NFATC1: variants seen among roughly 807,000 people sequenced by gnomAD.
NFATC1 encodes nuclear factor of activated T cells 1.
Under a neutral mutation model 76.0 loss-of-function variants are expected in NFATC1, and 22 were observed. That is an observed-to-expected ratio of 0.29 (90% CI 0.21 to 0.41). The LOEUF (loss-of-function observed/expected upper bound fraction) is 0.41, where lower values mean the gene tolerates loss of function less well. NFATC1 is among the 10% of genes least tolerant of loss of function. The pLI, the probability that NFATC1 is intolerant of heterozygous loss-of-function variation, is 1.00. For synonymous variants in NFATC1, 704 were observed against 613.1 expected (o/e 1.15, Z -2.19); for missense variants, 1,357 against 1,337.7 (o/e 1.01, Z -0.23).
intron 1 of NFATC1, 94 bp downstream of exon 1, chr18:79,396,445 G>A (rs1186601482): frequency 4.6e-6 from 4 of 866,030 alleles, no homozygotes; most frequent in Middle Eastern, 4.6e-4. Context: ...GCACGGAGGG[G>A]TCCGGGCCAG....
intron 9 of NFATC1, among the ~76,000 whole-genome samples, chr18:79,488,843 C>A (rs2089597481): frequency 6.6e-6 from 1 of 152,200 alleles, no homozygotes; most frequent in Non-Finnish European, 1.5e-5. Flanking sequence ...GCTCTGGGCT[C>A]CCACAATTGG....
At chr18:79,451,575 T>C in intron 5 of NFATC1, 101 bp from the exon 6 acceptor site, 1 of 1,324,832 alleles carries the variant, frequency 7.5e-7, no homozygotes, top group Non-Finnish European at 9.8e-7. Flanking sequence ...CGGTGCTTGC[T>C]CTGGGTGGGT....
At chr18:79,463,841 A>G (rs991008621) in intron 7 of NFATC1, among the ~76,000 whole-genome samples, 1 of 152,146 alleles carries the variant, frequency 6.6e-6, no homozygotes, top group Non-Finnish European at 1.5e-5. Flanking sequence ...GGGATGCAGG[A>G]TGCCGGAGCT....
At chr18:79,455,786 G>A (rs943343465) in intron 6 of NFATC1, among the ~76,000 whole-genome samples, 2 of 28,294 alleles carry the variant, frequency 7.1e-5, no homozygotes, top group South Asian at 9.3e-4. Flanking sequence ...TCCCACGGCC[G>A]CCCCATCCCA....
chr18:79,450,889 G>A, intron 4 of NFATC1, 65 bp from the exon 5 acceptor site: 1 of 1,557,318 alleles, frequency 6.4e-7, no homozygotes, highest in Non-Finnish European at 8.7e-7. Flanking sequence ...GGGTCTGGGG[G>A]GCCAGGCCTT....
In NFATC1 at chr18:79,410,106, G is replaced by A. The variant is rs1344773372; in HGVS notation, c.128-297G>A. On this transcript the variant is annotated intron_variant, in intron 1 of 9. Transcript: ENST00000427363. This position sits in a 1 kb window ranked among gnomAD's most constrained non-coding sequence, Gnocchi z 6.7. ...TTTTTGAATGAAGAGCGGAACCCGT[G>A]AGGACCCGGCCGCCTCTCCCTGGGA... 1.4e-6 allele frequency: 1 copy of A among 727,420 alleles called. No individual in the cohort carries two copies. Among genetic ancestry groups the A allele is most frequent in the Non-Finnish European group, 2.5e-6 (1 of 393,794 alleles). The allele number at this position is 727,420 out of a possible 1,614,324, so 45.1% of individuals were successfully genotyped here.
intron 1 of NFATC1, chr18:79,400,614 C>A: frequency 3.9e-6 from 3 of 761,088 alleles, no homozygotes; most frequent in South Asian, 3.7e-5. Flanking sequence ...GGGGCTACGG[C>A]GGGGGACGCT....
chr18:79,411,060 C>A lies in NFATC1; in HGVS notation c.785C>A (p.Pro262His), dbSNP rs560797460. 6.2e-7 allele frequency: 1 copy of A among 1,611,992 alleles called. No individual in the cohort carries two copies. Among genetic ancestry groups the A allele is most frequent in the South Asian group, 1.1e-5 (1 of 91,052 alleles). Residue 262 changes from proline to histidine, a missense_variant, in exon 2 of 10, where the codon CCT becomes CAT. Coordinates refer to ENST00000427363, the MANE Select transcript of NFATC1 (RefSeq NM_001278669.2). Reference sequence around the variant, plus strand: ...GCCCGCTCCTCCAGACCCGCGTCCCCTTGCAACAAGAGGAAGTACAGCCTC... The same window carrying A: ...GCCCGCTCCTCCAGACCCGCGTCCCATTGCAACAAGAGGAAGTACAGCCTC... ...LGARSSRPAS[P>H]CNKRKYSLNG...
chr18:79,409,115 A>C lies in NFATC1; in HGVS notation c.128-1288A>C, dbSNP rs1600610785. 2.1e-5 allele frequency among the ~76,000 whole-genome samples: 2 copies of C among 93,200 alleles called. 1 individual carries two copies. Among genetic ancestry groups the C allele is most frequent in the East Asian group, 2.1e-3 (2 of 970 alleles). 61.1% of individuals were successfully genotyped at this position (93,200 alleles called of 152,430 possible). On this transcript the variant is annotated intron_variant, in intron 1 of 9. Transcript: ENST00000427363. Reference sequence around the variant, plus strand: ...TCCATCATCATCCATCCATCCATCAAACCATTATTCCTCCATTCCCTATCC... The same window carrying C: ...TCCATCATCATCCATCCATCCATCACACCATTATTCCTCCATTCCCTATCC...
Position 79,527,552 on chromosome 18 carries a change from TCTCCAGCACGAGCACCCA to T in NFATC1, c.2812_2829del (p.Ser938_Ser943del). 1 of 1,614,024 alleles carries T rather than the reference TCTCCAGCACGAGCACCCA, an allele frequency of 6.2e-7. No individual in the cohort carries two copies. Among genetic ancestry groups the T allele is most frequent in the Non-Finnish European group, 8.5e-7 (1 of 1,179,986 alleles). ...GTAAATGAAATAATACGAAATGACC[TCTCCAGCACGAGCACCCA>T]CTCCTAGTTGCCACATTGGAGCACT... On this transcript the variant is annotated inframe_deletion, in exon 10 of 10. Transcript: ENST00000427363.
intron 9 of NFATC1, among the ~76,000 whole-genome samples, chr18:79,504,389 G>A (rs1001665122): frequency 2.0e-5 from 3 of 152,196 alleles, no homozygotes; most frequent in Non-Finnish European, 4.4e-5. Context: ...GAATAGGGAG[G>A]CCTGAGCCCA....
At chr18:79,426,655 G>A (rs1025312192) in intron 2 of NFATC1, among the ~76,000 whole-genome samples, 18 of 152,264 alleles carry the variant, frequency 1.2e-4, no homozygotes, top group Admixed American at 2.6e-4. Context: ...TGTTGCCGGG[G>A]CGGGAAGCCC....
At chr18:79,516,101 C>T (rs931549471) in intron 9 of NFATC1, 3 of 152,234 alleles carry the variant, frequency 2.0e-5, no homozygotes, top group African/African-American at 7.2e-5. Flanking sequence ...GCATTCTGTG[C>T]AACATTCAGG....
Position 79,411,089 on chromosome 18 carries a change from G to A in NFATC1, c.814G>A (p.Gly272Ser), listed in dbSNP as rs201979657. ...PCNKRKYSLN[G>S]RQPPYSPHHS... ...CAACAAGAGGAAGTACAGCCTCAACGGCCGGCAGCCGCCCTACTCACCCCA... is the reference window on the plus strand; with the variant it reads ...CAACAAGAGGAAGTACAGCCTCAACAGCCGGCAGCCGCCCTACTCACCCCA... Residue 272 changes from glycine (G) to serine (S), a missense_variant, in exon 2 of 10, where the codon GGC becomes AGC. Physicochemically the swap from Gly to Ser is moderately conservative, Grantham distance 56 (BLOSUM62 0). Around this residue, in one of 3 missense-constraint regions of NFATC1, gnomAD observed 691 missense variants for 613.1 expected, o/e 1.13. Transcript: ENST00000427363. 1.5e-4 allele frequency: 245 copies of A among 1,612,072 alleles called. No individual in the cohort carries two copies. The highest frequency in any genetic ancestry group is 8.3e-4 in the Middle Eastern group (5 of 6,060).
chr18:79,463,496 A>T (rs1600808993), intron 7 of NFATC1, among the ~76,000 whole-genome samples: 1 of 151,636 alleles, frequency 6.6e-6, no homozygotes, highest in Non-Finnish European at 1.5e-5. Context: ...CCGTGTCCAT[A>T]CCGGCCTCTC....
intron 1 of NFATC1, among the ~76,000 whole-genome samples, chr18:79,407,635 G>A (rs1343283802): frequency 6.6e-6 from 1 of 152,156 alleles, no homozygotes; most frequent in Non-Finnish European, 1.5e-5. Flanking sequence ...TGTAGAGATA[G>A]GGTTTCATCA....
At chr18:79,514,314 C>G (rs977040057) in intron 9 of NFATC1, among the ~76,000 whole-genome samples, 3 of 151,962 alleles carry the variant, frequency 2.0e-5, no homozygotes, top group African/African-American at 7.3e-5. Context: ...GTGGTGCACA[C>G]CTGTGGTCCC....
At chr18:79,413,027 C>T (rs1036211956) in intron 2 of NFATC1, among the ~76,000 whole-genome samples, 2 of 152,198 alleles carry the variant, frequency 1.3e-5, no homozygotes, top group Non-Finnish European at 1.5e-5. Context: ...ACTGTTTTTG[C>T]CTGCTGTACT....
chr18:79,443,896 C>T lies in NFATC1; in HGVS notation c.1387-4886C>T, dbSNP rs2087087484. ...CGAAAGCTGCTGTGGGTCCTGGTACCTGGTGTCCCTGCCTGCCAGGGCTCA... is the reference window on the plus strand; with the variant it reads ...CGAAAGCTGCTGTGGGTCCTGGTACTTGGTGTCCCTGCCTGCCAGGGCTCA... On this transcript the variant is annotated intron_variant, in intron 3 of 9. Transcript: ENST00000427363. Among the ~76,000 whole-genome samples the T allele has an allele frequency of 2.0e-5, 3 of 152,208 alleles. No homozygotes were observed. The South Asian group carries it at 6.2e-4, about 31-fold the overall frequency.
Sources: allele counts gnomAD v4.1 joint callset (sites outside exome capture counted in the v4.1 genomes callset), GRCh38; gene constraint gnomAD v4.1.1; regional missense constraint gnomAD v4.1.1; non-coding constraint Gnocchi (gnomAD v3.1); transcripts MANE v1.5; gene names NCBI Gene and HGNC (gene_info 2026-07-23, HGNC 2026-07-21).